RGL1: variants seen among roughly 807,000 people sequenced by gnomAD.
RGL1 encodes ral guanine nucleotide dissociation stimulator-like 1.
Under a neutral mutation model 95.2 loss-of-function variants are expected in RGL1, and 24 were observed. The observed-to-expected ratio is 0.25, with a 90% CI of 0.18 to 0.35. RGL1 has a LOEUF of 0.35. Ranked by LOEUF, RGL1 falls within the 10% of genes least tolerant of loss-of-function variation. The pLI is 1.00. For synonymous variants in RGL1, 329 were observed against 344.9 expected (o/e 0.95, Z 0.51); for missense variants, 715 against 936.3 (o/e 0.76, Z 3.08).
chr1:183,790,922 G>C (rs1430552350), intron 2 of RGL1, among the ~76,000 whole-genome samples: 1 of 19,880 alleles, frequency 5.0e-5, no homozygotes, highest in East Asian at 1.6e-3. Context: ...ACATGTATGT[G>C]TACACACACA....
intron 2 of RGL1, among the ~76,000 whole-genome samples, chr1:183,776,618 GA>G (rs1659617597): frequency 1.3e-5 from 2 of 152,214 alleles, no homozygotes. Context: ...GAATGAACAG[GA>G]GTGAGGGATG....
intron 2 of RGL1, among the ~76,000 whole-genome samples, chr1:183,772,825 AG>A (rs1301744945): frequency 1.3e-5 from 2 of 151,166 alleles, no homozygotes; most frequent in East Asian, 3.9e-4. Flanking sequence ...CTGGCTAACA[AG>A]GTGAAACCCC....
intron 1 of RGL1, among the ~76,000 whole-genome samples, chr1:183,667,204 G>A (rs1339645983): frequency 6.6e-6 from 1 of 151,988 alleles, no homozygotes; most frequent in African/African-American, 2.4e-5. Flanking sequence ...CTTTCAATCT[G>A]TATGTGCCTT....
chr1:183,821,777 G>T (rs1662507865), intron 2 of RGL1, among the ~76,000 whole-genome samples: 1 of 152,144 alleles, frequency 6.6e-6, no homozygotes, highest in Admixed American at 6.5e-5. Context: ...GTCCAAGAAT[G>T]ACTTTTGTCT....
chr1:183,752,044 T>A (rs904273717), intron 2 of RGL1, among the ~76,000 whole-genome samples: 1 of 152,166 alleles, frequency 6.6e-6, no homozygotes, highest in Non-Finnish European at 1.5e-5. Context: ...TTTTTGCCCA[T>A]ATGTAAGAGT....
chr1:183,730,922 A>G (rs1302742373), intron 1 of RGL1, among the ~76,000 whole-genome samples: 1 of 152,230 alleles, frequency 6.6e-6, no homozygotes, highest in Non-Finnish European at 1.5e-5. Flanking sequence ...AAGGGCACAC[A>G]AAAGAGTAAA....
At chr1:183,734,962 T>A (rs1006831796) in intron 1 of RGL1, among the ~76,000 whole-genome samples, 3 of 152,204 alleles carry the variant, frequency 2.0e-5, no homozygotes, top group African/African-American at 4.8e-5. Flanking sequence ...GTTTTCCTTG[T>A]GTTGGCCCTC....
At chr1:183,729,464 A>C (rs1207457752) in intron 1 of RGL1, among the ~76,000 whole-genome samples, 7 of 152,282 alleles carry the variant, frequency 4.6e-5, no homozygotes, top group African/African-American at 1.4e-4. Flanking sequence ...AAAGGACCCC[A>C]AATACTAACT....
At chr1:183,780,825 A>C (rs1051535226) in intron 2 of RGL1, among the ~76,000 whole-genome samples, 3 of 152,234 alleles carry the variant, frequency 2.0e-5, no homozygotes, top group Non-Finnish European at 2.9e-5. Flanking sequence ...ATGAAGCTGC[A>C]GTTCAAGACT....
At chr1:183,653,913 A>G (rs1250667098) in intron 1 of RGL1, among the ~76,000 whole-genome samples, 1 of 152,128 alleles carries the variant, frequency 6.6e-6, no homozygotes, top group Non-Finnish European at 1.5e-5. Context: ...TCCTAGACAC[A>G]AGGCACATTG....
At chr1:183,905,046 G>C in intron 13 of RGL1, 75 bp downstream of exon 13, 1 of 1,520,868 alleles carries the variant, frequency 6.6e-7, no homozygotes, top group Non-Finnish European at 8.8e-7. Flanking sequence ...TACCTCGCTG[G>C]GTCATTTATT....
intron 2 of RGL1, among the ~76,000 whole-genome samples, chr1:183,827,377 GTGGA>G (rs1662940698): frequency 6.6e-6 from 1 of 152,202 alleles, no homozygotes; most frequent in Non-Finnish European, 1.5e-5. Context: ...ACCCAAAGGT[GTGGA>G]GCTACAGAGA....
intron 2 of RGL1, among the ~76,000 whole-genome samples, chr1:183,824,500 C>G (rs1433525224): frequency 1.3e-5 from 2 of 152,122 alleles, no homozygotes; most frequent in African/African-American, 2.4e-5. Flanking sequence ...TGAAGTAGTT[C>G]TGCTTTTTCT....
intron 4 of RGL1, among the ~76,000 whole-genome samples, chr1:183,873,621 T>G (rs778930943): frequency 2.0e-5 from 3 of 152,178 alleles, no homozygotes; most frequent in African/African-American, 7.2e-5. Flanking sequence ...ATCACCATAA[T>G]AAGACTGCGG....
rs567056478 is a variant in RGL1, at chr1:183,767,514, T to C, written c.132+25225T>C. On this transcript the variant is annotated intron_variant, in intron 2 of 18. Transcript: ENST00000304685. ...CTATACATTTTGTGCAATTAAGAAATTCACTTCAGGGATGTGACCAGTTAA... is the reference window on the plus strand; with the variant it reads ...CTATACATTTTGTGCAATTAAGAAACTCACTTCAGGGATGTGACCAGTTAA... Among the ~76,000 whole-genome samples the C allele has an allele frequency of 1.5e-3, 227 of 152,292 alleles. 1 individual carries two copies. The highest frequency in any genetic ancestry group is 4.9e-3 in the African/African-American group (202 of 41,566).
chr1:183,917,350 C>G (rs561993511), intron 16 of RGL1, among the ~76,000 whole-genome samples: 2 of 152,328 alleles, frequency 1.3e-5, no homozygotes, highest in Admixed American at 1.3e-4. Context: ...CACAGAGCCT[C>G]TCATGGCGAT....
chr1:183,651,458 A>G (rs1650747316), intron 1 of RGL1, among the ~76,000 whole-genome samples: 1 of 152,192 alleles, frequency 6.6e-6, no homozygotes, highest in African/African-American at 2.4e-5. Context: ...TCATTGCTGT[A>G]TTTGATACAG....
chr1:183,910,663 A>T (rs1668593130), intron 14 of RGL1, among the ~76,000 whole-genome samples: 1 of 152,020 alleles, frequency 6.6e-6, no homozygotes, highest in Admixed American at 6.6e-5. Flanking sequence ...TCTTTTGATG[A>T]TGATTTTTGA....
At chr1:183,780,055 A>G (rs1659816696) in intron 2 of RGL1, among the ~76,000 whole-genome samples, 2 of 152,234 alleles carry the variant, frequency 1.3e-5, no homozygotes, top group Non-Finnish European at 2.9e-5. Flanking sequence ...AGGATATAGA[A>G]TTTGATAAAA....
Sources: gnomAD v4.1 joint callset for allele counts (sites outside exome capture counted in the v4.1 genomes callset) on GRCh38, gnomAD v4.1.1 for gene constraint, MANE v1.5 for transcripts, NCBI Gene and HGNC (gene_info 2026-07-23, HGNC 2026-07-21) for gene names.